Variants in RUFY3 observed in about 807,000 individuals in gnomAD.
RUFY3 encodes protein RUFY3.
Under a neutral mutation model 84.0 loss-of-function variants are expected in RUFY3, and 34 were observed. The observed-to-expected ratio is 0.40, with a 90% CI of 0.31 to 0.54. The LOEUF (loss-of-function observed/expected upper bound fraction) is 0.54. Ranked by LOEUF, RUFY3 falls within the 20% of genes least tolerant of loss-of-function variation. The pLI, the probability that RUFY3 is intolerant of heterozygous loss-of-function variation, is 0.39. For missense variants in RUFY3, 507 were observed against 736.8 expected (o/e 0.69, Z 3.61); for synonymous variants, 242 against 252.9 (o/e 0.96, Z 0.41).
At chr4:70,790,891 TG>T (rs554272628) in intron 12 of RUFY3, among the ~76,000 whole-genome samples, 205 of 152,296 alleles carry the variant, frequency 1.3e-3, no homozygotes, top group Middle Eastern at 3.4e-3. Context: ...CAAAACTTAA[TG>T]GCAAATTTAT....
chr4:70,778,456 TTTGA>T lies in RUFY3; in HGVS notation c.894+23_894+26del, dbSNP rs1461760578. The T allele has an allele frequency of 7.8e-6, 11 of 1,405,460 alleles. No individual in the cohort carries two copies. The highest frequency in any genetic ancestry group is 1.8e-4 in the Middle Eastern group (1 of 5,620). The allele number at this position is 1,405,460 out of a possible 1,614,324, so 87.1% of individuals were successfully genotyped here. On this transcript the variant is annotated intron_variant, in intron 8 of 17. Coordinates refer to ENST00000381006, the MANE Select transcript of RUFY3 (RefSeq NM_001037442.4). ...CAGAGGAGGTAAGTTTTGGAAATGCTTTGATTGACTTATAGAATTTAATATGCAT... is the reference window on the plus strand; with the variant it reads ...CAGAGGAGGTAAGTTTTGGAAATGCTTTGACTTATAGAATTTAATATGCAT...
At chr4:70,792,973 A>T in intron 12 of RUFY3, 1 of 985,468 alleles carries the variant, frequency 1.0e-6, no homozygotes, top group Non-Finnish European at 1.2e-6. Flanking sequence ...CAAATACCGA[A>T]ATTGAACTTT....
At chr4:70,721,355 A>G (rs1742271966), upstream of RUFY3, among the ~76,000 whole-genome samples, 1 of 152,176 alleles carries the variant, frequency 6.6e-6, no homozygotes, top group African/African-American at 2.4e-5. Context: ...CTTGATAAAT[A>G]CAACAAAATC....
At chr4:70,752,573 C>T (rs924998656) in intron 1 of RUFY3, among the ~76,000 whole-genome samples, 1 of 152,182 alleles carries the variant, frequency 6.6e-6, no homozygotes, top group African/African-American at 2.4e-5. Flanking sequence ...CTTTGTCAAG[C>T]TAAGGAAGTT....
At chr4:70,705,799 C>T (rs116256733) in intron 1 of RUFY3, among the ~76,000 whole-genome samples, 2,818 of 152,346 alleles carry the variant, frequency 0.018, 100 homozygotes, top group African/African-American at 0.065. Context: ...GCGCCGCCGC[C>T]GCCGCCAGTG....
At chr4:70,709,249 T>C (rs1056236689) in intron 1 of RUFY3, among the ~76,000 whole-genome samples, 10 of 152,242 alleles carry the variant, frequency 6.6e-5, no homozygotes, top group Non-Finnish European at 1.2e-4. Context: ...GGTAATCTGC[T>C]AGGTTTTTAT....
intron 8 of RUFY3, among the ~76,000 whole-genome samples, chr4:70,779,584 C>CTTTTTTTTTTTTTTT: frequency 7.7e-6 from 1 of 130,498 alleles, no homozygotes; most frequent in Non-Finnish European, 1.7e-5. Flanking sequence ...ATTTCTTTTT[C>CTTTTTTTTTTTTTTT]TTTTTTTTTT....
chr4:70,787,322 G>A (rs1660248694), intron 10 of RUFY3, among the ~76,000 whole-genome samples: 1 of 144,530 alleles, frequency 6.9e-6, no homozygotes, highest in African/African-American at 2.6e-5. Flanking sequence ...CAGTGGTGTA[G>A]TCTCAGCTCA....
At chr4:70,739,132 A>T (rs960337752) in intron 1 of RUFY3, among the ~76,000 whole-genome samples, 1 of 151,886 alleles carries the variant, frequency 6.6e-6, no homozygotes, top group Non-Finnish European at 1.5e-5. Flanking sequence ...CCTTGGCCCA[A>T]ATTACTGGTT....
At chr4:70,776,760 A>C (rs1351275799) in intron 7 of RUFY3, among the ~76,000 whole-genome samples, 1 of 152,160 alleles carries the variant, frequency 6.6e-6, no homozygotes, top group Non-Finnish European at 1.5e-5. Context: ...TGGGCAACCG[A>C]GCGAGACTCC....
In RUFY3 at chr4:70,806,958, GT is replaced by G. The variant is rs1578278810; in HGVS notation, c.*300del. The G allele has an allele frequency of 4.4e-6, 1 of 228,010 alleles. No individual in the cohort carries two copies. Among genetic ancestry groups the G allele is most frequent in the East Asian group, 9.4e-5 (1 of 10,600 alleles). The allele number at this position is 228,010 out of a possible 1,614,324, so 14.1% of individuals were successfully genotyped here. A position where few individuals can be genotyped will look rare whatever the true frequency, so the allele number is the denominator to read the frequency against. ...GAAAGGCAACTCATTTTTATGATTA[GT>G]GATACTGGGGTGGATTTAATAGGAG... On this transcript the variant is annotated 3_prime_UTR_variant, in exon 18 of 18. Transcript: ENST00000381006.
chr4:70,788,797 T>TG lies in RUFY3; in HGVS notation c.1072-4dup, dbSNP rs761174363. 2.8e-5 allele frequency: 45 copies of TG among 1,613,668 alleles called. No individual in the cohort carries two copies. The highest frequency in any genetic ancestry group is 2.2e-5 in the East Asian group (1 of 44,878). On this transcript the variant is annotated splice_polypyrimidine_tract_variant and intron_variant, in intron 10 of 17. Transcript: ENST00000381006. ...AGAGTGTAAGCAATTTACTTACCTT[T>TG]GGGGGCAGGATGTTGAGAAAGAACT...
At chr4:70,803,077 T>G (rs1732439167) in intron 16 of RUFY3, 94 bp downstream of exon 16, 1 of 870,194 alleles carries the variant, frequency 1.1e-6, no homozygotes. Flanking sequence ...GGGCGGAAGA[T>G]GAGTGAATAC....
intron 12 of RUFY3, 138 bp downstream of exon 12, chr4:70,789,730 G>T (rs773507229): frequency 5.8e-5 from 77 of 1,338,772 alleles, no homozygotes; most frequent in Non-Finnish European, 6.8e-5. Context: ...AAAAAAGCCA[G>T]TTGAATGTTA....
At chr4:70,733,133 GGAGGGAGAGAGAGA>G (rs1196911961) in intron 1 of RUFY3, among the ~76,000 whole-genome samples, 1 of 88,346 alleles carries the variant, frequency 1.1e-5, no homozygotes, top group African/African-American at 4.7e-5. Context: ...AGGGAGGGAG[GGAGGGAGAGAGAGA>G]GAGAGAGAGA....
intron 1 of RUFY3, among the ~76,000 whole-genome samples, chr4:70,725,512 G>A (rs567416463): frequency 1.3e-5 from 2 of 152,146 alleles, no homozygotes; most frequent in South Asian, 4.2e-4. Flanking sequence ...TGTATTTTTA[G>A]TAGAGACGGG....
In RUFY3 at chr4:70,704,865, T is replaced by A. The variant is rs1042201015; in HGVS notation, c.-72T>A. ...GCGGACGGGACGGGGCGGCGGCTCC[T>A]CGCCCTGACCCTCTGCTCCCCCGCC... On this transcript the variant is annotated 5_prime_UTR_variant, in exon 1 of 12. Transcript: ENST00000417478. 2,795 of 1,038,682 alleles carry A rather than the reference T, an allele frequency of 2.7e-3. 13 individuals are homozygous for A. The highest frequency in any genetic ancestry group is 2.6e-3 in the Non-Finnish European group (2,134 of 822,124). The allele number at this position is 1,038,682 out of a possible 1,614,324, so 64.3% of individuals were successfully genotyped here.
intron 1 of RUFY3, among the ~76,000 whole-genome samples, chr4:70,708,317 G>A (rs1172296592): frequency 6.6e-6 from 1 of 151,782 alleles, no homozygotes; most frequent in African/African-American, 2.4e-5. Context: ...GATTACAGGT[G>A]CGCACCACCA....
At chr4:70,754,573 T>C (rs768806449) in intron 1 of RUFY3, among the ~76,000 whole-genome samples, 37 of 151,762 alleles carry the variant, frequency 2.4e-4, no homozygotes, top group Non-Finnish European at 4.9e-4. Flanking sequence ...AAGTTCATGA[T>C]TGTCTCATAC....
Sources: allele counts gnomAD v4.1 joint callset (sites outside exome capture counted in the v4.1 genomes callset), GRCh38; gene constraint gnomAD v4.1.1; transcripts MANE v1.5; gene names NCBI Gene and HGNC (gene_info 2026-07-23, HGNC 2026-07-21).